The following DPP6 variants were observed in gnomAD, a reference collection of about 807,000 sequenced individuals.
DPP6 encodes the protein dipeptidyl peptidase like 6, also known as A-type potassium channel modulatory protein DPP6.
In DPP6, 69 loss-of-function variants were observed where a neutral mutation model predicts 122.6. That is an observed-to-expected ratio of 0.56 (90% CI 0.46 to 0.69). The LOEUF (loss-of-function observed/expected upper bound fraction) is 0.69. Ranked by LOEUF, DPP6 falls within the 30% of genes least tolerant of loss-of-function variation. DPP6 has a pLI of 0.00. For missense variants in DPP6, 928 were observed against 1,116.9 expected (o/e 0.83, Z 2.41); for synonymous variants, 418 against 433.1 (o/e 0.97, Z 0.43).
chr7:154,209,074 GA>G (rs1342209897), intron 1 of DPP6, among the ~76,000 whole-genome samples: 4 of 152,200 alleles, frequency 2.6e-5, no homozygotes, highest in Non-Finnish European at 4.4e-5. Context: ...GAAACTTAAA[GA>G]AATGTGTTGT....
At chr7:153,892,595 C>A (rs185691352) in intron 1 of DPP6, among the ~76,000 whole-genome samples, 1 of 152,210 alleles carries the variant, frequency 6.6e-6, no homozygotes, top group Non-Finnish European at 1.5e-5. Flanking sequence ...AGCCACCTCT[C>A]CCTGCCAAAT....
At chr7:154,542,501 T>C (rs1383897589) in intron 4 of DPP6, among the ~76,000 whole-genome samples, 3 of 152,192 alleles carry the variant, frequency 2.0e-5, no homozygotes, top group African/African-American at 7.2e-5. Context: ...GTGAACCGCC[T>C]TCTCTTTCTA....
At chr7:153,857,346 C>T in the DPP6 span, among the ~76,000 whole-genome samples, 1 of 151,462 alleles carries the variant, frequency 6.6e-6, no homozygotes, top group Non-Finnish European at 1.5e-5. Context: ...CTCTCTCTCT[C>T]TCTCTCTCTC....
intron 1 of DPP6, among the ~76,000 whole-genome samples, chr7:154,018,375 G>C (rs1479367433): frequency 6.6e-6 from 1 of 152,126 alleles, no homozygotes; most frequent in Non-Finnish European, 1.5e-5. Context: ...AAGGGGATGA[G>C]AGTGGACACC....
the DPP6 span, among the ~76,000 whole-genome samples, chr7:153,812,620 G>A: frequency 6.6e-6 from 1 of 152,162 alleles, no homozygotes; most frequent in Non-Finnish European, 1.5e-5. Flanking sequence ...ATGAGTCAAA[G>A]CTCTACGACT....
At chr7:154,874,553 C>T (rs1360531023) in intron 19 of DPP6, among the ~76,000 whole-genome samples, 3 of 152,358 alleles carry the variant, frequency 2.0e-5, no homozygotes, top group Middle Eastern at 6.8e-3. Context: ...AACAAAGGCA[C>T]ACTCGACATA....
At chr7:154,508,934 A>G (rs1302434985) in intron 3 of DPP6, among the ~76,000 whole-genome samples, 1 of 152,228 alleles carries the variant, frequency 6.6e-6, no homozygotes, top group Non-Finnish European at 1.5e-5. Context: ...AGCCATGTGC[A>G]AAATAATGAA....
rs1326605473 is a variant in DPP6 at position 154,046,865 on chromosome 7, T to TA, written c.51+159132dup. Among the ~76,000 whole-genome samples the TA allele has an allele frequency of 4.6e-5, 7 of 152,310 alleles. No individual in the cohort carries two copies. The South Asian group carries it at 8.3e-4, about 18-fold the overall frequency. ...AGATGCACATTTTAGAAATACACTA[T>TA]ACCCCCTTCCTTTATTTGTAACTGC... is the stretch of plus-strand genomic sequence containing the variant. On this transcript the variant is annotated intron_variant, in intron 1 of 25. Coordinates refer to the DPP6 transcript ENST00000404039.
At chr7:153,830,361 A>G in the DPP6 span, among the ~76,000 whole-genome samples, 1 of 152,216 alleles carries the variant, frequency 6.6e-6, no homozygotes, top group Middle Eastern at 3.2e-3. Context: ...AACCTGCTGA[A>G]AGAGCACCTA....
At chr7:154,410,835 T>C (rs1339921358) in intron 1 of DPP6, among the ~76,000 whole-genome samples, 1 of 152,240 alleles carries the variant, frequency 6.6e-6, no homozygotes, top group Non-Finnish European at 1.5e-5. Flanking sequence ...TTAAAAAGCA[T>C]TTAAAATCAT....
intron 6 of DPP6, among the ~76,000 whole-genome samples, chr7:154,651,770 A>G (rs909365546): frequency 3.3e-5 from 5 of 152,132 alleles, no homozygotes; most frequent in African/African-American, 4.8e-5. Context: ...GCTAAACTGA[A>G]AGTCACAAAG....
At chr7:153,902,792 C>T (rs1277750779) in intron 1 of DPP6, among the ~76,000 whole-genome samples, 1 of 151,922 alleles carries the variant, frequency 6.6e-6, no homozygotes, top group Non-Finnish European at 1.5e-5. Context: ...GCCGAGCTTA[C>T]ACCATTGCAC....
At chr7:154,779,000 C>T (rs2150397088) in intron 10 of DPP6, among the ~76,000 whole-genome samples, 5 of 149,940 alleles carry the variant, frequency 3.3e-5, no homozygotes, top group Non-Finnish European at 5.9e-5. Context: ...CCTCCACAAC[C>T]TCCACCACCA....
intron 1 of DPP6, among the ~76,000 whole-genome samples, chr7:154,280,273 G>A (rs986699154): frequency 6.6e-6 from 1 of 152,048 alleles, no homozygotes; most frequent in African/African-American, 2.4e-5. Flanking sequence ...TATTCCTTTG[G>A]GCTTCATGAA....
At chr7:154,149,146 G>A (rs1399313907) in intron 1 of DPP6, among the ~76,000 whole-genome samples, 2 of 152,240 alleles carry the variant, frequency 1.3e-5, no homozygotes, top group African/African-American at 2.4e-5. Context: ...TAGCTGCACC[G>A]CATCAGCAGA....
chr7:154,006,934 G>C (rs1797938898), intron 1 of DPP6, among the ~76,000 whole-genome samples: 1 of 152,240 alleles, frequency 6.6e-6, no homozygotes, highest in Non-Finnish European at 1.5e-5. Flanking sequence ...ACCTCCCCCT[G>C]AAAGGGGGCT....
intron 1 of DPP6, among the ~76,000 whole-genome samples, chr7:154,415,713 A>C (rs193250597): frequency 4.5e-4 from 67 of 148,994 alleles, no homozygotes; most frequent in Admixed American, 1.0e-3. Context: ...AGCGTTGGGC[A>C]GTACTCTGTC....
At chr7:154,062,836 G>A (rs1440094782) in intron 1 of DPP6, among the ~76,000 whole-genome samples, 3 of 131,632 alleles carry the variant, frequency 2.3e-5, no homozygotes, top group Admixed American at 7.8e-5. Flanking sequence ...CCGCGAGGCG[G>A]GGACTGCGAG....
chr7:154,373,848 G>A (rs565203505), intron 1 of DPP6, among the ~76,000 whole-genome samples: 1 of 152,238 alleles, frequency 6.6e-6, no homozygotes, highest in South Asian at 2.1e-4. Flanking sequence ...AGTTTGATGA[G>A]TCTAGGAAGC....
Sources: allele counts gnomAD v4.1 joint callset (sites outside exome capture counted in the v4.1 genomes callset), GRCh38; gene constraint gnomAD v4.1.1; transcripts MANE v1.5; gene names NCBI Gene and HGNC (gene_info 2026-07-23, HGNC 2026-07-21).